SBF2: variants seen among roughly 807,000 people sequenced by gnomAD.
SBF2 encodes the protein myotubularin-related protein 13.
SBF2 carries 112 observed loss-of-function variants against 225.2 expected under a neutral mutation model. That is an observed-to-expected ratio of 0.50 (90% CI 0.43 to 0.58). The LOEUF (loss-of-function observed/expected upper bound fraction) is 0.58. Among genes scored for constraint, SBF2 ranks in the 20% least tolerant of loss-of-function variants. The pLI is 0.00. For missense variants in SBF2, 1,996 were observed against 2,206.2 expected, an observed-to-expected ratio of 0.90 and a Z score of 1.91; for synonymous variants, 763 against 773.3, an observed-to-expected ratio of 0.99 and a Z score of 0.22.
chr11:10,058,006 T>C (rs1010557009), intron 2 of SBF2, among the ~76,000 whole-genome samples: 3 of 148,290 alleles, frequency 2.0e-5, no homozygotes, highest in African/African-American at 7.5e-5. Flanking sequence ...AAGAAGTCTA[T>C]TGAGTGTACT....
At chr11:10,142,625 C>A (rs1204394572) in intron 2 of SBF2, among the ~76,000 whole-genome samples, 1 of 152,122 alleles carries the variant, frequency 6.6e-6, no homozygotes, top group East Asian at 1.9e-4. Flanking sequence ...GGATATAATT[C>A]TATAAAACAC....
chr11:10,261,742 T>A (rs754454507), intron 1 of SBF2, among the ~76,000 whole-genome samples: 2 of 152,222 alleles, frequency 1.3e-5, no homozygotes, highest in African/African-American at 2.4e-5. Context: ...ATCAATAGAA[T>A]GGATATGCAA....
chr11:10,239,186 T>C lies in SBF2; in HGVS notation c.56-45199A>G, dbSNP rs1011957623. ...CTGCACAAACTACAGAATAAAATCC[T>C]TTTCAAGCTCATACAAAATTTTTAC... On this transcript the variant is annotated intron_variant, in intron 1 of 39. Transcript: ENST00000256190. Among the ~76,000 whole-genome samples, 23 of 150,684 alleles carry C rather than the reference T, an allele frequency of 1.5e-4. 1 individual carries two copies. Among genetic ancestry groups the C allele is most frequent in the African/African-American group, 5.6e-4 (23 of 41,346 alleles).
intron 24 of SBF2, among the ~76,000 whole-genome samples, chr11:9,843,507 G>A (rs912931367): frequency 6.6e-6 from 1 of 152,164 alleles, no homozygotes; most frequent in African/African-American, 2.4e-5. Flanking sequence ...GCAATCCAGA[G>A]AATTAAACAG....
intron 26 of SBF2, chr11:9,838,486 G>C (rs146020700): frequency 6.6e-6 from 1 of 152,272 alleles, no homozygotes; most frequent in Non-Finnish European, 1.5e-5. Context: ...GAGAATTCCA[G>C]AAAAATTACT....
chr11:10,065,655 A>C (rs1211243473), intron 2 of SBF2, among the ~76,000 whole-genome samples: 1 of 152,216 alleles, frequency 6.6e-6, no homozygotes, highest in African/African-American at 2.4e-5. Flanking sequence ...AATTCTCTAA[A>C]AGACACAAAC....
At chr11:9,943,077 G>A (rs1014997287) in intron 16 of SBF2, among the ~76,000 whole-genome samples, 5 of 152,084 alleles carry the variant, frequency 3.3e-5, no homozygotes, top group African/African-American at 1.2e-4. Flanking sequence ...CCTGAATGGA[G>A]TCACATATTT....
intron 2 of SBF2, among the ~76,000 whole-genome samples, chr11:10,048,819 C>T (rs1194404781): frequency 6.6e-6 from 1 of 152,072 alleles, no homozygotes; most frequent in African/African-American, 2.4e-5. Context: ...TGTCAAATGA[C>T]CAGTGCATGA....
intron 2 of SBF2, among the ~76,000 whole-genome samples, chr11:10,107,054 C>A (rs184936853): frequency 6.6e-6 from 1 of 152,198 alleles, no homozygotes; most frequent in Non-Finnish European, 1.5e-5. Flanking sequence ...CCTCACTCTA[C>A]TTGAAGAAAT....
At chr11:10,193,482 G>C (rs1328770010) in intron 2 of SBF2, among the ~76,000 whole-genome samples, 1 of 151,202 alleles carries the variant, frequency 6.6e-6, no homozygotes, top group Non-Finnish European at 1.5e-5. Context: ...AGCCTCCTGA[G>C]TAGCTGGGAC....
intron 9 of SBF2, among the ~76,000 whole-genome samples, chr11:9,998,012 G>A (rs1257760548): frequency 6.6e-6 from 1 of 152,178 alleles, no homozygotes; most frequent in Non-Finnish European, 1.5e-5. Context: ...ACCTAGGACA[G>A]TACTAGGTCC....
chr11:10,157,875 C>G (rs1955547811), intron 2 of SBF2, among the ~76,000 whole-genome samples: 1 of 152,112 alleles, frequency 6.6e-6, no homozygotes, highest in Non-Finnish European at 1.5e-5. Context: ...TTCCACCCAA[C>G]AACAGAAGGA....
At chr11:9,862,833 A>T (rs1268976466) in intron 17 of SBF2, among the ~76,000 whole-genome samples, 4 of 152,274 alleles carry the variant, frequency 2.6e-5, no homozygotes, top group Middle Eastern at 3.4e-3. Context: ...TGGTTTTACA[A>T]ATTGGTCTGT....
At chr11:9,836,896 GTATATA>G (rs996746535) in intron 26 of SBF2, among the ~76,000 whole-genome samples, 1 of 152,002 alleles carries the variant, frequency 6.6e-6, no homozygotes, top group African/African-American at 2.4e-5. Context: ...AATGTTTTTA[GTATATA>G]TATAATTATT....
Position 9,992,970 on chromosome 11 carries a change from A to C in SBF2, c.1167+20T>G. 1 of 1,514,184 alleles carries C rather than the reference A, an allele frequency of 6.6e-7. No homozygotes were observed. Among genetic ancestry groups the C allele is most frequent in the Non-Finnish European group, 9.1e-7 (1 of 1,094,238 alleles). 93.8% of individuals were successfully genotyped at this position (1,514,184 alleles called of 1,614,324 possible). On this transcript the variant is annotated intron_variant, in intron 11 of 39. Transcript: ENST00000256190. ...TAGAATATATTTTTTGGACAGATAC[A>C]ATATAGTACTCTATCTTACCTTGTG... is the stretch of plus-strand genomic sequence containing the variant.
chr11:10,142,341 C>T (rs957350822), intron 2 of SBF2, among the ~76,000 whole-genome samples: 2 of 152,146 alleles, frequency 1.3e-5, no homozygotes, highest in African/African-American at 4.8e-5. Context: ...GTTAGGTCCT[C>T]CTGCAATGTG....
chr11:9,829,470 T>C lies in SBF2; in HGVS notation c.3679A>G (p.Ser1227Gly), dbSNP rs368618956. Residue 1227 changes from serine (S) to glycine (G), a missense_variant, in exon 28 of 40, where the codon AGT becomes GGT. Ser to Gly is a moderately conservative substitution (Grantham distance 56). Transcript: ENST00000256190. ...AAGTATTTCTCTTGTTCTATGCTAC[T>C]GGAAGATTCTAAAGAGGAGGTAGGA... ...AAPTSSLESS[S>G]SIEQEKYLQA... 6.2e-7 allele frequency: 1 copy of C among 1,612,808 alleles called. No homozygotes were observed. The highest frequency in any genetic ancestry group is 1.7e-5 in the Admixed American group (1 of 60,028).
At chr11:10,161,205 AAAT>A (rs200641160) in intron 2 of SBF2, among the ~76,000 whole-genome samples, 6,621 of 146,612 alleles carry the variant, frequency 0.045, 199 homozygotes, top group East Asian at 0.19. Context: ...AAAAAAAAAA[AAAT>A]AGGTCATAAG....
At chr11:10,301,853 G>A (rs532597305) in intron 1 of SBF2, among the ~76,000 whole-genome samples, 3 of 152,284 alleles carry the variant, frequency 2.0e-5, no homozygotes, top group Non-Finnish European at 4.4e-5. Context: ...AAACCCTTTA[G>A]CATATGTGTA....
Sources: gnomAD v4.1 joint callset for allele counts (sites outside exome capture counted in the v4.1 genomes callset) on GRCh38, gnomAD v4.1.1 for gene constraint, MANE v1.5 for transcripts, NCBI Gene and HGNC (gene_info 2026-07-23, HGNC 2026-07-21) for gene names.